TENM2: variants seen among roughly 807,000 people sequenced by gnomAD.
TENM2 encodes teneurin transmembrane protein 2.
In TENM2, 52 loss-of-function variants were observed where a neutral mutation model predicts 245.2. The observed-to-expected ratio is 0.21, with a 90% CI of 0.17 to 0.27. The LOEUF is 0.27. Ranked by LOEUF, TENM2 falls within the 10% of genes least tolerant of loss-of-function variation. TENM2 has a pLI of 1.00. For missense variants in TENM2, 3,046 were observed against 3,666.8 expected, an observed-to-expected ratio of 0.83 and a Z score of 4.37; for synonymous variants, 1,363 against 1,438.9, an observed-to-expected ratio of 0.95 and a Z score of 1.19.
chr5:167,359,545 T>A (rs1349937723), intron 1 of TENM2, among the ~76,000 whole-genome samples: 1 of 152,218 alleles, frequency 6.6e-6, no homozygotes, highest in Non-Finnish European at 1.5e-5. Context: ...CCTACCACCT[T>A]TTAAGATATT....
chr5:167,571,606 TAAAC>T (rs1774267689), intron 2 of TENM2, among the ~76,000 whole-genome samples: 1 of 152,058 alleles, frequency 6.6e-6, no homozygotes, highest in Non-Finnish European at 1.5e-5. Flanking sequence ...GCGGTAAAAA[TAAAC>T]AACAGCACTG....
chr5:168,036,938 G>A (rs1249948701), intron 5 of TENM2, among the ~76,000 whole-genome samples: 2 of 151,604 alleles, frequency 1.3e-5, no homozygotes, highest in Non-Finnish European at 2.9e-5. Context: ...TTCCTCATAA[G>A]AAGCTGACCA....
chr5:167,312,948 G>T (rs965931975), intron 1 of TENM2, among the ~76,000 whole-genome samples: 3 of 149,110 alleles, frequency 2.0e-5, no homozygotes, highest in Non-Finnish European at 3.0e-5. Flanking sequence ...TGTCACCCAG[G>T]CTGGAGTGCA....
intron 12 of TENM2, among the ~76,000 whole-genome samples, chr5:168,145,585 C>CTTG (rs1755986092): frequency 6.6e-6 from 1 of 151,206 alleles, no homozygotes; most frequent in Admixed American, 6.6e-5. Flanking sequence ...TTACTGTAGC[C>CTTG]TTGTAGTATA....
At chr5:167,400,839 T>A (rs1762325802) in intron 2 of TENM2, among the ~76,000 whole-genome samples, 1 of 152,088 alleles carries the variant, frequency 6.6e-6, no homozygotes, top group Non-Finnish European at 1.5e-5. Context: ...AATATTTAAT[T>A]AGGATGAAGA....
At chr5:167,617,374 C>T (rs1777860155) in intron 2 of TENM2, among the ~76,000 whole-genome samples, 2 of 152,110 alleles carry the variant, frequency 1.3e-5, no homozygotes. Flanking sequence ...GTAAAATGAT[C>T]TTGGAGAAAA....
intron 1 of TENM2, among the ~76,000 whole-genome samples, chr5:167,285,783 A>T (rs1253503683): frequency 2.0e-5 from 3 of 152,216 alleles, no homozygotes; most frequent in Non-Finnish European, 4.4e-5. Context: ...TGCACTTTAC[A>T]TTGATGGCTC....
At chr5:167,978,273 C>T (rs1380696488) in intron 4 of TENM2, among the ~76,000 whole-genome samples, 3 of 152,198 alleles carry the variant, frequency 2.0e-5, no homozygotes, top group Non-Finnish European at 4.4e-5. Flanking sequence ...CTAGGGAGAT[C>T]CCCCAAAGCT....
In TENM2 at chr5:168,247,826, G is replaced by A; in HGVS notation, c.6887G>A (p.Trp2296Ter). The A allele has an allele frequency of 6.2e-7, 1 of 1,614,002 alleles. No homozygotes were observed. Residue 2296 changes from tryptophan (W) to a stop codon, truncating the protein, a stop_gained, in exon 27 of 29, where the codon TGG becomes TAG. Transcript: ENST00000518659. LOFTEE classifies it high-confidence loss of function. This position sits in a 1 kb window ranked among gnomAD's most constrained non-coding sequence, Gnocchi z 7.8. ...AGAGCCTACAACAAGGCCAGCGGGTGGAGTGTCCAGTACCGCTATGATGGC... is the reference window on the plus strand; with the variant it reads ...AGAGCCTACAACAAGGCCAGCGGGTAGAGTGTCCAGTACCGCTATGATGGC...
At chr5:168,220,092 A>G (rs980128509) in intron 23 of TENM2, among the ~76,000 whole-genome samples, 1 of 152,172 alleles carries the variant, frequency 6.6e-6, no homozygotes, top group African/African-American at 2.4e-5. Context: ...AATACCCTTC[A>G]GGACACTGTA....
chr5:167,596,276 C>G (rs747258672), intron 2 of TENM2, among the ~76,000 whole-genome samples: 2 of 152,092 alleles, frequency 1.3e-5, no homozygotes, highest in East Asian at 1.9e-4. Context: ...ACAGAGGCCC[C>G]GAAAGCCTGA....
chr5:167,334,243 GCCCAGAGT>G (rs1175379478), intron 1 of TENM2, among the ~76,000 whole-genome samples: 5 of 152,258 alleles, frequency 3.3e-5, no homozygotes, highest in African/African-American at 9.6e-5. Context: ...TTGGGTTCTA[GCCCAGAGT>G]GTCTGCAACT....
intron 2 of TENM2, among the ~76,000 whole-genome samples, chr5:167,869,099 G>GTTCT (rs1324500899): frequency 1.3e-5 from 2 of 152,194 alleles, no homozygotes; most frequent in African/African-American, 4.8e-5. Context: ...TGAATTCTGT[G>GTTCT]TTCTCTCCAT....
At chr5:167,254,571 T>C in the TENM2 span, among the ~76,000 whole-genome samples, 1 of 152,256 alleles carries the variant, frequency 6.6e-6, no homozygotes, top group East Asian at 1.9e-4. Context: ...ACTCTAGAAA[T>C]GTAGTGCTCT....
At chr5:167,463,987 A>G (rs1441808888) in intron 2 of TENM2, among the ~76,000 whole-genome samples, 1 of 152,192 alleles carries the variant, frequency 6.6e-6, no homozygotes, top group Non-Finnish European at 1.5e-5. Flanking sequence ...TTTGAGTCTC[A>G]CTGAAATCTT....
chr5:168,227,943 T>C lies in TENM2; in HGVS notation c.5333T>C (p.Val1778Ala), dbSNP rs750649779. The change falls in exon 25 of 29, where the codon GTG becomes GCG. Residue 1778 changes from valine (V) to alanine (A), a missense_variant. This residue lies in a region of TENM2 where 2,704 missense variants were observed against 3,331.9 expected (regional missense o/e 0.81). Transcript: ENST00000518659. ...CTCTGTAATAATGGTACCCTGAGGGTGATGTATGCTAATGGGATGGGTATC... is the reference window on the plus strand; with the variant it reads ...CTCTGTAATAATGGTACCCTGAGGGCGATGTATGCTAATGGGATGGGTATC... 19 of 1,613,272 alleles carry C rather than the reference T, an allele frequency of 1.2e-5. No individual in the cohort carries two copies. In the Admixed American group the frequency reaches 3.2e-4, roughly 27 times the overall value.
intron 3 of TENM2, among the ~76,000 whole-genome samples, chr5:167,900,730 G>A (rs1775631683): frequency 6.6e-6 from 1 of 152,082 alleles, no homozygotes; most frequent in South Asian, 2.1e-4. Flanking sequence ...TATGACCGTG[G>A]CAGAGAAAGA....
intron 4 of TENM2, among the ~76,000 whole-genome samples, chr5:167,958,555 T>C (rs1049454666): frequency 6.6e-6 from 1 of 152,192 alleles, no homozygotes; most frequent in Non-Finnish European, 1.5e-5. Flanking sequence ...CGTTGGTTGA[T>C]GTAGTTTCTT....
chr5:168,237,084 C>T (rs751515343), intron 25 of TENM2, among the ~76,000 whole-genome samples: 3 of 124,008 alleles, frequency 2.4e-5, no homozygotes, highest in South Asian at 3.2e-4. Context: ...GGCACAATCT[C>T]GGATCACTGC....
Sources: allele counts gnomAD v4.1 joint callset (sites outside exome capture counted in the v4.1 genomes callset), GRCh38; gene constraint gnomAD v4.1.1; regional missense constraint gnomAD v4.1.1; non-coding constraint Gnocchi (gnomAD v3.1); transcripts MANE v1.5; gene names NCBI Gene and HGNC (gene_info 2026-07-23, HGNC 2026-07-21).